MAPK10: variants seen among roughly 807,000 people sequenced by gnomAD.
MAPK10 encodes JNK3 alpha protein kinase.
Under a neutral mutation model 59.3 loss-of-function variants are expected in MAPK10, and 25 were observed. The observed-to-expected ratio is 0.42, with a 90% confidence interval of 0.31 to 0.59. The LOEUF is 0.59. MAPK10 is among the 20% of genes least tolerant of loss of function. The pLI, the probability that MAPK10 is intolerant of heterozygous loss-of-function variation, is 0.15. For missense variants in MAPK10, 351 were observed against 568.9 expected (o/e 0.62, Z 3.90); for synonymous variants, 190 against 200.5 (o/e 0.95, Z 0.44).
At chr4:86,362,168 A>G (rs1170602258), upstream of MAPK10, among the ~76,000 whole-genome samples, 1 of 152,132 alleles carries the variant, frequency 6.6e-6, no homozygotes, top group Non-Finnish European at 1.5e-5. Flanking sequence ...AATTATTGTC[A>G]ATTACAAATA....
At chr4:86,199,934 T>C (rs1210694289) in intron 2 of MAPK10, among the ~76,000 whole-genome samples, 2 of 152,156 alleles carry the variant, frequency 1.3e-5, no homozygotes, top group East Asian at 1.9e-4. Flanking sequence ...AAAGGAACCA[T>C]TAAACTACTG....
chr4:86,103,125 A>AT, intron 6 of MAPK10, 61 bp downstream of exon 6: 1 of 725,044 alleles, frequency 1.4e-6, no homozygotes, highest in Non-Finnish European at 2.2e-6. Flanking sequence ...GTGGTGTGTG[A>AT]TTTTCCCTTG....
intron 1 of MAPK10, chr4:86,356,407 G>A (rs1203674333): frequency 2.9e-6 from 1 of 341,784 alleles, no homozygotes; most frequent in Non-Finnish European, 4.1e-6. Flanking sequence ...TAGTATATGT[G>A]TGAGGTCTAC....
chr4:86,075,837 CTG>C (rs1208912405), intron 9 of MAPK10, among the ~76,000 whole-genome samples: 1 of 152,154 alleles, frequency 6.6e-6, no homozygotes, highest in East Asian at 1.9e-4. Context: ...GAGGTTACTG[CTG>C]TCTTTTTGTT....
chr4:86,576,385 G>A (rs1002420625), intron 1 of MAPK10, among the ~76,000 whole-genome samples: 4 of 152,162 alleles, frequency 2.6e-5, no homozygotes, highest in Non-Finnish European at 5.9e-5. Context: ...AAACCGGGGT[G>A]GGGGTGTGGC....
intron 1 of MAPK10, among the ~76,000 whole-genome samples, chr4:86,567,344 C>G (rs1373717080): frequency 6.6e-6 from 1 of 152,048 alleles, no homozygotes; most frequent in Non-Finnish European, 1.5e-5. Flanking sequence ...CCTCAGCCTC[C>G]CAAGTAGCTG....
chr4:86,091,919 A>G (rs901184049), intron 9 of MAPK10, among the ~76,000 whole-genome samples: 2 of 151,850 alleles, frequency 1.3e-5, no homozygotes, highest in African/African-American at 2.4e-5. Context: ...TGATCTGCCC[A>G]CCTCGGCCTC....
intron 2 of MAPK10, among the ~76,000 whole-genome samples, chr4:86,349,091 T>C (rs1729784212): frequency 6.6e-6 from 1 of 152,198 alleles, no homozygotes; most frequent in South Asian, 2.1e-4. Context: ...AAGGCAAATT[T>C]TGGAAAAATT....
intron 2 of MAPK10, among the ~76,000 whole-genome samples, chr4:86,249,083 T>C (rs2093277729): frequency 6.6e-6 from 1 of 152,206 alleles, no homozygotes; most frequent in Non-Finnish European, 1.5e-5. Flanking sequence ...CCCTTGGCCA[T>C]ATCAACCTCT....
chr4:86,545,833 A>T (rs1371667788), intron 1 of MAPK10, among the ~76,000 whole-genome samples: 1 of 152,266 alleles, frequency 6.6e-6, no homozygotes, highest in African/African-American at 2.4e-5. Flanking sequence ...ATTTTAAAAA[A>T]TTAGCCATGC....
At chr4:86,148,366 C>T (rs947606815) in intron 4 of MAPK10, among the ~76,000 whole-genome samples, 3 of 152,066 alleles carry the variant, frequency 2.0e-5, no homozygotes, top group African/African-American at 7.2e-5. Flanking sequence ...TATAAATACC[C>T]GAAGCATAAA....
intron 2 of MAPK10, among the ~76,000 whole-genome samples, chr4:86,283,502 A>G (rs1024054651): frequency 4.6e-5 from 7 of 152,232 alleles, no homozygotes; most frequent in African/African-American, 1.4e-4. Flanking sequence ...TTACGACATG[A>G]TAAGACACAA....
At chr4:86,073,317 A>C (rs1192334713) in intron 9 of MAPK10, among the ~76,000 whole-genome samples, 1 of 150,402 alleles carries the variant, frequency 6.6e-6, no homozygotes, top group African/African-American at 2.4e-5. Context: ...GCGGTCTATC[A>C]ATTTTGTTGA....
At chr4:86,200,647 C>A (rs560611874) in intron 2 of MAPK10, among the ~76,000 whole-genome samples, 1 of 151,552 alleles carries the variant, frequency 6.6e-6, no homozygotes, top group African/African-American at 2.4e-5. Flanking sequence ...GTTTTCATTT[C>A]TCTTAGGGAA....
At chr4:86,220,259 T>C (rs1486565018) in intron 2 of MAPK10, among the ~76,000 whole-genome samples, 2 of 152,190 alleles carry the variant, frequency 1.3e-5, no homozygotes, top group African/African-American at 4.8e-5. Context: ...AAATAAAGCA[T>C]TAAATGACTG....
At chr4:86,027,342 G>C (rs986833647) in intron 13 of MAPK10, 3 of 152,144 alleles carry the variant, frequency 2.0e-5, no homozygotes, top group African/African-American at 7.2e-5. Flanking sequence ...CTCAGGTAGA[G>C]CCTAAGTTGC....
At chr4:86,486,020 C>T (rs1457711975) in intron 1 of MAPK10, among the ~76,000 whole-genome samples, 2 of 152,286 alleles carry the variant, frequency 1.3e-5, no homozygotes, top group Admixed American at 6.5e-5. Flanking sequence ...GCAGCCCAGG[C>T]CAACTAATAT....
chr4:86,161,714 A>G (rs2069753865), intron 3 of MAPK10, among the ~76,000 whole-genome samples: 1 of 152,098 alleles, frequency 6.6e-6, no homozygotes, highest in African/African-American at 2.4e-5. Context: ...CCAAGAAAAT[A>G]TATCTCCCCT....
intron 1 of MAPK10, among the ~76,000 whole-genome samples, chr4:86,493,074 C>T (rs538355671): frequency 5.8e-4 from 89 of 152,316 alleles, no homozygotes; most frequent in African/African-American, 2.1e-3. Context: ...TCATAGACTG[C>T]TGAATGTTCA....
Sources: gnomAD v4.1 joint callset for allele counts (sites outside exome capture counted in the v4.1 genomes callset) on GRCh38, gnomAD v4.1.1 for gene constraint, MANE v1.5 for transcripts, NCBI Gene and HGNC (gene_info 2026-07-23, HGNC 2026-07-21) for gene names.